Variants in C12orf76 observed in about 807,000 individuals in gnomAD.
C12orf76 encodes the protein chromosome 12 open reading frame 76, also known as uncharacterized protein C12orf76.
C12orf76 carries 6 observed loss-of-function variants against 6.8 expected under a neutral mutation model. That is an observed-to-expected ratio of 0.88 (90% CI 0.48 to 1.73). The LOEUF (loss-of-function observed/expected upper bound fraction) is 1.73. C12orf76 is among the 40% of genes most tolerant of loss of function. C12orf76 has a pLI of 0.01. For synonymous variants in C12orf76, 56 were observed against 43.7 expected (o/e 1.28, Z -1.11); for missense variants, 99 against 98.2 (o/e 1.01, Z -0.03).
chr12:110,056,926 A>G, intron 4 of C12orf76: 1 of 393,542 alleles, frequency 2.5e-6, no homozygotes, highest in Non-Finnish European at 4.6e-6. Context: ...TTTTCTTTGT[A>G]AATTACCTAG....
upstream of C12orf76, among the ~76,000 whole-genome samples, chr12:110,070,988 T>C (rs1265179755): frequency 6.6e-6 from 1 of 152,222 alleles, no homozygotes. Context: ...TTGGCCAGGC[T>C]GGTCTCAAAC....
At chr12:110,043,688 C>A (rs1892375519) in intron 1 of C12orf76, among the ~76,000 whole-genome samples, 1 of 151,826 alleles carries the variant, frequency 6.6e-6, no homozygotes, top group Non-Finnish European at 1.5e-5. Context: ...CATGTCTCTA[C>A]TAAAAATACA....
intron 4 of C12orf76, chr12:110,057,096 C>T (rs1178138050): frequency 2.4e-6 from 2 of 822,764 alleles, no homozygotes; most frequent in Non-Finnish European, 4.1e-6. Context: ...TTGTGCTGGA[C>T]TCACCAGATG....
At chr12:110,044,017 C>CAAAAA (rs760004489) in intron 1 of C12orf76, 1 of 93,614 alleles carries the variant, frequency 1.1e-5, no homozygotes, top group African/African-American at 4.2e-5. Context: ...TACTACATAA[C>CAAAAA]AAAAAAAAAA....
chr12:110,065,314 G>C (rs986380524), intron 2 of C12orf76, among the ~76,000 whole-genome samples: 3 of 152,006 alleles, frequency 2.0e-5, no homozygotes, highest in African/African-American at 7.2e-5. Context: ...GGGATTACAG[G>C]CACCTGCCAC....
At chr12:110,068,218 A>G (rs1892898920), upstream of C12orf76, among the ~76,000 whole-genome samples, 1 of 150,032 alleles carries the variant, frequency 6.7e-6, no homozygotes, top group Non-Finnish European at 1.5e-5. Context: ...AAAGAAGAAG[A>G]AGGAGAAGGA....
At chr12:110,051,234 G>C (rs933523395), upstream of C12orf76, 1 of 762,666 alleles carries the variant, frequency 1.3e-6, no homozygotes, top group South Asian at 1.4e-5. Context: ...AGGCTCTGCA[G>C]GCCACTTCCG....
chr12:110,042,197 T>C lies in C12orf76; in HGVS notation c.*177A>G. 1.7e-6 allele frequency: 1 copy of C among 601,284 alleles called. No homozygotes were observed. Among genetic ancestry groups the C allele is most frequent in the Non-Finnish European group, 3.0e-6 (1 of 334,016 alleles). The allele number at this position is 601,284 out of a possible 1,614,324, so 37.2% of individuals were successfully genotyped here. A position where few individuals can be genotyped will look rare whatever the true frequency, so the allele number is the denominator to read the frequency against. ...CAGGGGCCAATTATTTGCGCTACAGTGTTAGGAAAAAATAATGTCTAGTAC... is the reference window on the plus strand; with the variant it reads ...CAGGGGCCAATTATTTGCGCTACAGCGTTAGGAAAAAATAATGTCTAGTAC... On this transcript the variant is annotated 3_prime_UTR_variant, in exon 2 of 2. Coordinates refer to ENST00000615315, the MANE Select transcript of C12orf76 (RefSeq NM_001389625.1).
chr12:110,057,635 A>G (rs556184438), intron 3 of C12orf76, among the ~76,000 whole-genome samples: 1 of 152,304 alleles, frequency 6.6e-6, no homozygotes, highest in Admixed American at 6.5e-5. Context: ...TCCCAATTAT[A>G]TTAGTTTCTG....
chr12:110,045,520 G>T (rs1892427146), intron 1 of C12orf76, among the ~76,000 whole-genome samples: 1 of 151,074 alleles, frequency 6.6e-6, no homozygotes, highest in African/African-American at 2.4e-5. Flanking sequence ...AGGGAGTCGG[G>T]GGTTGCAGTG....
At chr12:110,045,689 C>T (rs1404575199) in intron 1 of C12orf76, among the ~76,000 whole-genome samples, 2 of 152,108 alleles carry the variant, frequency 1.3e-5, no homozygotes. Flanking sequence ...CCAGGCGCAG[C>T]GGCTCACACC....
chr12:110,066,367 T>TGAA (rs1892859646), intron 1 of C12orf76, among the ~76,000 whole-genome samples: 1 of 15,334 alleles, frequency 6.5e-5, no homozygotes, highest in African/African-American at 2.7e-4. Context: ...AGACTCCATC[T>TGAA]AAAAAAAAAA....
chr12:110,064,636 C>T (rs1182569689), intron 2 of C12orf76, among the ~76,000 whole-genome samples: 1 of 152,216 alleles, frequency 6.6e-6, no homozygotes, highest in East Asian at 1.9e-4. Context: ...GGGGACAGCT[C>T]TCCATGCTTT....
At chr12:110,055,875 A>G (rs1892658080) in intron 4 of C12orf76, among the ~76,000 whole-genome samples, 1 of 152,122 alleles carries the variant, frequency 6.6e-6, no homozygotes, top group Non-Finnish European at 1.5e-5. Context: ...GGTCTGCAAA[A>G]TATCTCAAGC....
chr12:110,047,332 C>T (rs1420860969), intron 1 of C12orf76, among the ~76,000 whole-genome samples: 2 of 152,110 alleles, frequency 1.3e-5, no homozygotes, highest in Non-Finnish European at 2.9e-5. Context: ...TCATCATTTC[C>T]TAGCTATGTA....
At chr12:110,047,454 C>T (rs1247298682) in intron 1 of C12orf76, among the ~76,000 whole-genome samples, 3 of 152,052 alleles carry the variant, frequency 2.0e-5, no homozygotes, top group South Asian at 2.1e-4. Flanking sequence ...TTTGGGAGGC[C>T]GAGGCAGGAG....
intron 1 of C12orf76, 123 bp downstream of exon 1, chr12:110,048,240 C>T (rs1387359271): frequency 1.6e-6 from 2 of 1,236,816 alleles, no homozygotes; most frequent in South Asian, 1.8e-5. Context: ...CTCACCTGCA[C>T]CCCCCGCACT....
chr12:110,045,384 G>A (rs1036072875), intron 1 of C12orf76, among the ~76,000 whole-genome samples: 1 of 151,712 alleles, frequency 6.6e-6, no homozygotes, highest in African/African-American at 2.4e-5. Flanking sequence ...TCAGGAGATC[G>A]AGACCACTCT....
upstream of C12orf76, chr12:110,050,504 T>A (rs1192737743): frequency 6.2e-6 from 1 of 160,056 alleles, no homozygotes; most frequent in Non-Finnish European, 1.4e-5. Flanking sequence ...ACCTTGCTGA[T>A]AAAACAGGTT....
Sources: gnomAD v4.1 joint callset for allele counts (sites outside exome capture counted in the v4.1 genomes callset) on GRCh38, gnomAD v4.1.1 for gene constraint, MANE v1.5 for transcripts, NCBI Gene and HGNC (gene_info 2026-07-23, HGNC 2026-07-21) for gene names.